Variants in GDAP2 observed in about 807,000 individuals in gnomAD.
GDAP2 encodes ganglioside-induced differentiation-associated protein 2.
A neutral mutation model predicts 67.0 loss-of-function variants in GDAP2; 51 were observed. That is an observed-to-expected ratio of 0.76 (90% confidence interval 0.61 to 0.96). The LOEUF (loss-of-function observed/expected upper bound fraction) is 0.96, where lower values mean the gene tolerates loss of function less well. Among genes scored for constraint, GDAP2 ranks in the 40% least tolerant of loss-of-function variants. GDAP2 has a pLI of 0.00. For missense variants in GDAP2, 547 were observed against 588.3 expected, an observed-to-expected ratio of 0.93 and a Z score of 0.73; for synonymous variants, 203 against 207.3, an observed-to-expected ratio of 0.98 and a Z score of 0.18.
chr1:117,883,574 T>C lies in GDAP2; in HGVS notation c.1161A>G (p.Val387=), dbSNP rs766566305. ...TGGTCAGGGTGTGAAAATACACTAA[T>C]ACATACTCCTTCACAGCAATGTGAT... ...VMDHIAVKEY[V]LVYFHTLTSE... The change falls in exon 11 of 14, where the codon GTA becomes GTG. Residue 387 remains valine, a synonymous_variant. Transcript: ENST00000369443. 11 of 1,600,982 alleles carry C rather than the reference T, an allele frequency of 6.9e-6. No individual in the cohort carries two copies. In the East Asian group the frequency reaches 8.9e-5, roughly 13 times the overall value.
At chr1:117,917,423 C>G (rs1353073919) in intron 3 of GDAP2, among the ~76,000 whole-genome samples, 2 of 152,170 alleles carry the variant, frequency 1.3e-5, no homozygotes, top group Non-Finnish European at 2.9e-5. Flanking sequence ...ATAACTAATA[C>G]TTGTTGAACA....
intron 5 of GDAP2, among the ~76,000 whole-genome samples, chr1:117,911,112 C>T (rs1274171530): frequency 6.6e-6 from 1 of 152,152 alleles, no homozygotes; most frequent in East Asian, 1.9e-4. Flanking sequence ...TTAGAAGAAA[C>T]ACCACTACTG....
intron 5 of GDAP2, among the ~76,000 whole-genome samples, chr1:117,909,575 ATAAAG>A (rs1649779021): frequency 6.6e-6 from 1 of 152,200 alleles, no homozygotes; most frequent in Non-Finnish European, 1.5e-5. Context: ...CAAATGCTTG[ATAAAG>A]TATTCAAGCA....
At chr1:117,873,981 G>A (rs1374515423) in intron 13 of GDAP2, among the ~76,000 whole-genome samples, 1 of 151,978 alleles carries the variant, frequency 6.6e-6, no homozygotes. Flanking sequence ...GTCATTCTCT[G>A]TGCTGTTTCT....
intron 12 of GDAP2, among the ~76,000 whole-genome samples, chr1:117,878,840 C>A (rs1337547247): frequency 6.6e-6 from 1 of 152,176 alleles, no homozygotes; most frequent in Admixed American, 6.5e-5. Flanking sequence ...TACTGTTTAT[C>A]TATCTAAATT....
intron 8 of GDAP2, 172 bp downstream of exon 8, chr1:117,896,661 T>C: frequency 4.4e-6 from 2 of 458,492 alleles, no homozygotes; most frequent in Non-Finnish European, 7.7e-6. Flanking sequence ...GATAACTTTC[T>C]TAACTTTGAG....
rs564341742 is a variant in GDAP2, at chr1:117,891,765, T to C, written c.954-3991A>G. Among the ~76,000 whole-genome samples the C allele has an allele frequency of 9.6e-5, 14 of 145,704 alleles. No individual in the cohort carries two copies. In the East Asian group the frequency reaches 2.7e-3, roughly 28 times the overall value. On this transcript the variant is annotated intron_variant, in intron 8 of 13. Transcript: ENST00000369443. ...GTCAAAACTATTTTTTCTTTGGTGG[T>C]AAATGCTTTTCATGTCTTTAAAAAA...
chr1:117,923,209 T>C (rs146876474), intron 1 of GDAP2, among the ~76,000 whole-genome samples: 2,443 of 152,266 alleles, frequency 0.016, 27 homozygotes, highest in South Asian at 0.043. Flanking sequence ...TACAAACAAT[T>C]TGTGCAGTTA....
chr1:117,915,825 A>G (rs1199555214), intron 3 of GDAP2, among the ~76,000 whole-genome samples: 1 of 152,182 alleles, frequency 6.6e-6, no homozygotes, highest in Non-Finnish European at 1.5e-5. Context: ...CTTAGATACT[A>G]ACTGAATTGA....
chr1:117,911,846 G>A, intron 5 of GDAP2, 148 bp downstream of exon 5: 1 of 562,562 alleles, frequency 1.8e-6, no homozygotes. Context: ...TGCAATCACA[G>A]CTCACTGCAG....
intron 4 of GDAP2, 26 bp from the exon 5 acceptor site, chr1:117,912,108 T>C (rs944800548): frequency 7.3e-7 from 1 of 1,366,972 alleles, no homozygotes; most frequent in Non-Finnish European, 1.0e-6. Flanking sequence ...AACACAAAAA[T>C]TGCACTAGAA....
intron 3 of GDAP2, among the ~76,000 whole-genome samples, chr1:117,913,126 T>G: frequency 6.6e-6 from 1 of 152,208 alleles, no homozygotes; most frequent in East Asian, 1.9e-4. Flanking sequence ...TTAGCCTTGT[T>G]ACAACCCAAT....
At position 117,906,410 on chromosome 1, in the gene GDAP2, G is replaced by A. The variant is rs577987145; in HGVS notation, c.636+96C>T. ...ATACATACATAGATCATTAGGATTT[G>A]TCTGCTGGAAACTCAGTAAATATGT... On this transcript the variant is annotated intron_variant, in intron 6 of 13. Coordinates refer to ENST00000369443, the MANE Select transcript of GDAP2 (RefSeq NM_017686.4). The A allele has an allele frequency of 7.6e-4, 515 of 681,976 alleles. 4 individuals are homozygous for A. Among genetic ancestry groups the A allele is most frequent in the South Asian group, 9.7e-4 (53 of 54,610 alleles). 42.2% of individuals were successfully genotyped at this position (681,976 alleles called of 1,614,324 possible). A position where few individuals can be genotyped will look rare whatever the true frequency, so the allele number is the denominator to read the frequency against.
intron 6 of GDAP2, among the ~76,000 whole-genome samples, chr1:117,906,202 G>A (rs187809483): frequency 3.9e-5 from 6 of 152,216 alleles, no homozygotes; most frequent in African/African-American, 1.2e-4. Flanking sequence ...CCCCAAACAC[G>A]CAGTGCTTAG....
chr1:117,901,132 A>G (rs561481788), intron 6 of GDAP2, among the ~76,000 whole-genome samples: 1 of 152,316 alleles, frequency 6.6e-6, no homozygotes, highest in South Asian at 2.1e-4. Flanking sequence ...TCTTTCATTT[A>G]GCATGATGTT....
At chr1:117,927,031 A>G (rs1650472828) in intron 1 of GDAP2, among the ~76,000 whole-genome samples, 1 of 151,816 alleles carries the variant, frequency 6.6e-6, no homozygotes, top group Admixed American at 6.6e-5. Flanking sequence ...GAAGCAAGAC[A>G]TTAATTTCCA....
At chr1:117,915,815 C>T (rs142163056) in intron 3 of GDAP2, among the ~76,000 whole-genome samples, 225 of 152,202 alleles carry the variant, frequency 1.5e-3, no homozygotes, top group African/African-American at 5.3e-3. Context: ...AGTATTGATG[C>T]TTAGATACTA....
chr1:117,923,863 T>G (rs1650346937), intron 1 of GDAP2, among the ~76,000 whole-genome samples: 16 of 152,252 alleles, frequency 1.1e-4, no homozygotes, highest in Admixed American at 1.0e-3. Flanking sequence ...ATATTAGCCA[T>G]TTAAGACATT....
chr1:117,911,847 C>A, intron 5 of GDAP2, 147 bp downstream of exon 5: 1 of 567,654 alleles, frequency 1.8e-6, no homozygotes. Flanking sequence ...GCAATCACAG[C>A]TCACTGCAGC....
Sources: allele counts gnomAD v4.1 joint callset (sites outside exome capture counted in the v4.1 genomes callset), GRCh38; gene constraint gnomAD v4.1.1; transcripts MANE v1.5; gene names NCBI Gene and HGNC (gene_info 2026-07-23, HGNC 2026-07-21).